Variants in TCF12 observed in about 807,000 individuals in gnomAD.
TCF12 encodes the protein transcription factor 12.
In TCF12, 45 loss-of-function variants were observed where a neutral mutation model predicts 86.0. The ratio of observed to expected loss-of-function variants is 0.52; its 90% confidence interval spans 0.41 to 0.67. The LOEUF is 0.67. Ranked by LOEUF, TCF12 falls within the 30% of genes least tolerant of loss-of-function variation. The pLI is 0.00. For synonymous variants in TCF12, 330 were observed against 299.6 expected, an observed-to-expected ratio of 1.10 and a Z score of -1.05; for missense variants, 881 against 859.9, an observed-to-expected ratio of 1.02 and a Z score of -0.31.
intron 6 of TCF12, among the ~76,000 whole-genome samples, chr15:57,188,017 T>C (rs1046327077): frequency 2.6e-5 from 4 of 152,036 alleles, no homozygotes. Flanking sequence ...AGTAAAACTA[T>C]CCTCATTTGC....
chr15:57,246,021 GAAA>G (rs3840022), intron 13 of TCF12, among the ~76,000 whole-genome samples: 1 of 149,818 alleles, frequency 6.7e-6, no homozygotes, highest in Non-Finnish European at 1.5e-5. Flanking sequence ...CTGTCAAAGG[GAAA>G]AAAAAAGGAA....
intron 3 of TCF12, among the ~76,000 whole-genome samples, chr15:56,968,645 T>A (rs1292522192): frequency 2.0e-5 from 3 of 152,238 alleles, no homozygotes; most frequent in Non-Finnish European, 2.9e-5. Context: ...ATGACAAGAC[T>A]AAGAGACAGT....
At chr15:56,960,430 A>ATTT (rs5812861) in intron 3 of TCF12, among the ~76,000 whole-genome samples, 115 of 128,598 alleles carry the variant, frequency 8.9e-4, no homozygotes, top group African/African-American at 2.5e-3. Context: ...ACTGTATTGT[A>ATTT]TTTTTTTTTT....
At chr15:56,971,858 G>T (rs1018445018) in intron 3 of TCF12, among the ~76,000 whole-genome samples, 1 of 152,196 alleles carries the variant, frequency 6.6e-6, no homozygotes, top group Non-Finnish European at 1.5e-5. Flanking sequence ...AGGCAAATGT[G>T]TAAAGACAGA....
chr15:57,273,053 T>G lies in TCF12; in HGVS notation c.1769T>G (p.Leu590Trp). The G allele has an allele frequency of 6.2e-7, 1 of 1,614,200 alleles. No individual in the cohort carries two copies. The highest frequency in any genetic ancestry group is 8.5e-7 in the Non-Finnish European group (1 of 1,180,024). The change falls in exon 19 of 21, where the codon TTG becomes TGG. Residue 590 changes from leucine (L) to tryptophan (W), a missense_variant. By Grantham distance (61) the Leu-to-Trp change is moderately conservative. Around this residue, in one of 3 missense-constraint regions of TCF12, gnomAD observed 766 missense variants for 718.9 expected, o/e 1.07. Coordinates refer to ENST00000333725, the MANE Select transcript of TCF12 (RefSeq NM_207037.2). Reference sequence around the variant, plus strand: ...AGCAGTACTAATGAAGATGAGGATTTGAACCCTGAACAGAAGATAGAAAGG... The same window carrying G: ...AGCAGTACTAATGAAGATGAGGATTGGAACCCTGAACAGAAGATAGAAAGG... Reference protein sequence around the residue: ...RTSSTNEDEDLNPEQKIEREK... With the variant: ...RTSSTNEDEDWNPEQKIEREK...
At chr15:57,221,852 G>A (rs1443477468) in intron 8 of TCF12, among the ~76,000 whole-genome samples, 5 of 151,976 alleles carry the variant, frequency 3.3e-5, no homozygotes, top group Non-Finnish European at 4.4e-5. Context: ...TAAGAAAATC[G>A]TGGTATGTAA....
chr15:57,002,424 TAA>T (rs1408764477), intron 3 of TCF12, among the ~76,000 whole-genome samples: 1 of 152,152 alleles, frequency 6.6e-6, no homozygotes, highest in Non-Finnish European at 1.5e-5. Flanking sequence ...ATTTACTATA[TAA>T]AGTCTATTAA....
intron 6 of TCF12, among the ~76,000 whole-genome samples, chr15:57,185,419 TAAG>T (rs2056609997): frequency 6.6e-6 from 1 of 152,184 alleles, no homozygotes; most frequent in Non-Finnish European, 1.5e-5. Context: ...TACCTACATT[TAAG>T]AAGAAGCAAG....
At chr15:57,129,198 G>A (rs186444865) in intron 5 of TCF12, among the ~76,000 whole-genome samples, 1 of 152,190 alleles carries the variant, frequency 6.6e-6, no homozygotes, top group African/African-American at 2.4e-5. Flanking sequence ...ACATGCGTCT[G>A]TTCCTTTTAT....
At chr15:57,246,829 G>A in intron 13 of TCF12, 1 of 345,834 alleles carries the variant, frequency 2.9e-6, no homozygotes, top group South Asian at 2.4e-5. Flanking sequence ...ATGGATCATT[G>A]TTCCTTCTGT....
At chr15:57,121,203 G>A (rs920365986) in intron 5 of TCF12, among the ~76,000 whole-genome samples, 26 of 152,276 alleles carry the variant, frequency 1.7e-4, no homozygotes, top group African/African-American at 5.3e-4. Flanking sequence ...AGGTTCTTTC[G>A]CTAGTCTAGG....
At chr15:57,267,512 A>G (rs2060925207) in intron 18 of TCF12, among the ~76,000 whole-genome samples, 1 of 152,248 alleles carries the variant, frequency 6.6e-6, no homozygotes, top group Non-Finnish European at 1.5e-5. Context: ...CTTATAGATC[A>G]GGAATCAGCA....
At chr15:57,066,957 C>T (rs989602179) in intron 4 of TCF12, among the ~76,000 whole-genome samples, 6 of 152,060 alleles carry the variant, frequency 3.9e-5, no homozygotes, top group Non-Finnish European at 7.4e-5. Context: ...TGTAAGATAC[C>T]ATTCTACTAT....
At chr15:57,076,938 T>C (rs1467072283) in intron 4 of TCF12, among the ~76,000 whole-genome samples, 4 of 152,154 alleles carry the variant, frequency 2.6e-5, no homozygotes, top group Non-Finnish European at 5.9e-5. Context: ...AGTTAACTTG[T>C]TATCTCTGTT....
intron 16 of TCF12, among the ~76,000 whole-genome samples, chr15:57,255,420 T>C (rs1404339565): frequency 1.3e-5 from 2 of 152,202 alleles, no homozygotes; most frequent in Non-Finnish European, 2.9e-5. Context: ...GCTGAAGGAA[T>C]GCACTGCCCA....
Position 57,136,388 on chromosome 15 carries a change from T to C in TCF12, c.326-30014T>C, listed in dbSNP as rs149492100. ...CTTTGCTCTTGGGAGACGTTTGCTC[T>C]TTATTTCTCTTATGAAGTCACAGTG... On this transcript the variant is annotated intron_variant, in intron 5 of 20. Coordinates refer to ENST00000333725, the MANE Select transcript of TCF12 (RefSeq NM_207037.2). 4.4e-3 allele frequency among the ~76,000 whole-genome samples: 671 copies of C among 152,362 alleles called. 7 individuals are homozygous for C. The highest frequency in any genetic ancestry group is 0.016 in the African/African-American group (647 of 41,584).
intron 13 of TCF12, chr15:57,247,213 A>T (rs1325421041): frequency 1.6e-6 from 1 of 616,994 alleles, no homozygotes; most frequent in African/African-American, 1.8e-5. Flanking sequence ...TACTGTAACC[A>T]GGACTACCAC....
At chr15:57,225,573 T>C (rs1387926904) in intron 8 of TCF12, among the ~76,000 whole-genome samples, 1 of 152,092 alleles carries the variant, frequency 6.6e-6, no homozygotes, top group Admixed American at 6.6e-5. Flanking sequence ...TCTGAGGATG[T>C]ATATAAGATC....
chr15:57,006,057 C>A (rs2439923), intron 3 of TCF12, among the ~76,000 whole-genome samples: 1,880 of 152,162 alleles, frequency 0.012, 41 homozygotes, highest in African/African-American at 0.043. Context: ...CAAGGGATGT[C>A]TAATTTTTCT....
Sources: gnomAD v4.1 joint callset for allele counts (sites outside exome capture counted in the v4.1 genomes callset) on GRCh38, gnomAD v4.1.1 for gene constraint, gnomAD v4.1.1 regional missense constraint, MANE v1.5 for transcripts, NCBI Gene and HGNC (gene_info 2026-07-23, HGNC 2026-07-21) for gene names.